The following SLIT3 variants were observed in gnomAD, a reference collection of about 807,000 sequenced individuals.
The protein encoded by SLIT3 is slit guidance ligand 3, also known as slit homolog 3 protein.
Under a neutral mutation model 184.0 loss-of-function variants are expected in SLIT3, and 68 were observed. The ratio of observed to expected loss-of-function variants is 0.37; its 90% confidence interval spans 0.30 to 0.45. The LOEUF (loss-of-function observed/expected upper bound fraction) is 0.45, where lower values mean the gene tolerates loss of function less well. Among genes scored for constraint, SLIT3 ranks in the 20% least tolerant of loss-of-function variants. SLIT3 has a pLI of 1.00. For synonymous variants in SLIT3, 831 were observed against 828.6 expected (o/e 1.00, Z -0.05); for missense variants, 1,707 against 2,026.0 (o/e 0.84, Z 3.02).
In SLIT3 at chr5:168,753,871, T is replaced by C; in HGVS notation, c.1822A>G (p.Lys608Glu). ...GRVFRGLSGL[K>E]TLMLRSNLIG... ...CCCACCCCAGGCACTCACAAGGTTTTGAGGCCACTGAGGCCACGGAACACG... is the reference window on the plus strand; with the variant it reads ...CCCACCCCAGGCACTCACAAGGTTTCGAGGCCACTGAGGCCACGGAACACG... Residue 608 changes from lysine (K) to glutamate (E), a missense_variant, in exon 17 of 36, where the codon AAA (lysine) becomes GAA (glutamate). Lys to Glu is a moderately conservative substitution (Grantham distance 56, BLOSUM62 1). Coordinates refer to ENST00000519560, the MANE Select transcript of SLIT3 (RefSeq NM_003062.4). The C allele has an allele frequency of 6.2e-7, 1 of 1,610,712 alleles. No individual in the cohort carries two copies.
Position 168,666,207 on chromosome 5 carries a change from C to G in SLIT3, c.*247G>C. On this transcript the variant is annotated 3_prime_UTR_variant, in exon 36 of 36. Coordinates refer to ENST00000519560, the MANE Select transcript of SLIT3 (RefSeq NM_003062.4). ...ACAACACAAAACTTGGTAAAAATAA[C>G]TCACTATATGGTACATATACGCAGA... The G allele has an allele frequency of 3.0e-6, 1 of 334,262 alleles. No individual in the cohort carries two copies. Among genetic ancestry groups the G allele is most frequent in the Non-Finnish European group, 5.3e-6 (1 of 188,856 alleles). The allele number at this position is 334,262 out of a possible 1,614,324, so 20.7% of individuals were successfully genotyped here. A position where few individuals can be genotyped will look rare whatever the true frequency, so the allele number is the denominator to read the frequency against.
chr5:168,861,204 C>A (rs1375721480), intron 5 of SLIT3, among the ~76,000 whole-genome samples: 1 of 152,092 alleles, frequency 6.6e-6, no homozygotes, highest in Non-Finnish European at 1.5e-5. Context: ...TGTGCTGCAC[C>A]CATTAACTCG....
At chr5:168,699,945 T>C (rs1372288775) in intron 27 of SLIT3, among the ~76,000 whole-genome samples, 2 of 152,190 alleles carry the variant, frequency 1.3e-5, no homozygotes, top group African/African-American at 4.8e-5. Context: ...GACACCTCCC[T>C]TGGAGGAAGC....
chr5:169,284,062 T>C (rs1220692288), intron 1 of SLIT3, among the ~76,000 whole-genome samples: 1 of 151,854 alleles, frequency 6.6e-6, no homozygotes, highest in Non-Finnish European at 1.5e-5. Flanking sequence ...TTTCAGCCAA[T>C]AAAACAATGC....
At chr5:168,785,838 C>T (rs1756133684) in intron 12 of SLIT3, 69 bp downstream of exon 12, 3 of 1,152,548 alleles carry the variant, frequency 2.6e-6, no homozygotes, top group Non-Finnish European at 3.9e-6. Context: ...CAGAGCATGG[C>T]TCAACGTTTT....
intron 4 of SLIT3, among the ~76,000 whole-genome samples, chr5:169,050,734 G>A (rs914190241): frequency 1.3e-5 from 2 of 151,136 alleles, no homozygotes; most frequent in African/African-American, 2.4e-5. Flanking sequence ...CGTTGAGCTT[G>A]CTGCCAACTG....
At chr5:169,003,234 G>A (rs899763860) in intron 4 of SLIT3, among the ~76,000 whole-genome samples, 2 of 152,194 alleles carry the variant, frequency 1.3e-5, no homozygotes, top group African/African-American at 4.8e-5. Context: ...ATTTCAAGTT[G>A]TCACTATTCC....
intron 4 of SLIT3, among the ~76,000 whole-genome samples, chr5:169,168,673 A>G (rs1263264355): frequency 6.6e-6 from 1 of 152,208 alleles, no homozygotes; most frequent in Admixed American, 6.5e-5. Context: ...ACCCAAAGTG[A>G]CAAAGTCGAG....
chr5:169,260,185 G>A (rs1371558510), intron 1 of SLIT3, among the ~76,000 whole-genome samples: 3 of 151,980 alleles, frequency 2.0e-5, no homozygotes, highest in Admixed American at 6.6e-5. Context: ...GTGATTTGAG[G>A]ACTCCTACTC....
intron 4 of SLIT3, among the ~76,000 whole-genome samples, chr5:168,945,434 C>T (rs1762443646): frequency 6.6e-6 from 1 of 152,128 alleles, no homozygotes; most frequent in African/African-American, 2.4e-5. Context: ...GACAGGGTTT[C>T]ACCATGTTGG....
Position 168,806,543 on chromosome 5 carries a change from AGGAGAT to A in SLIT3, c.832_837del (p.Ile278_Ser279del). On this transcript the variant is annotated inframe_deletion, in exon 9 of 36. Coordinates refer to ENST00000519560, the MANE Select transcript of SLIT3 (RefSeq NM_003062.4). ...TTGCTGCACGTGCAGGGCGAAGGGCAGGAGATGGAGTTGGCATTGCAGGATGGGGGC... is the reference window on the plus strand; with the variant it reads ...TTGCTGCACGTGCAGGGCGAAGGGCAGGAGTTGGCATTGCAGGATGGGGGC... 3 of 1,614,212 alleles carry A rather than the reference AGGAGAT, an allele frequency of 1.9e-6. No homozygotes were observed. Among genetic ancestry groups the A allele is most frequent in the Non-Finnish European group, 2.5e-6 (3 of 1,180,018 alleles).
chr5:168,799,548 G>T (rs1756689294), intron 9 of SLIT3, among the ~76,000 whole-genome samples: 1 of 152,180 alleles, frequency 6.6e-6, no homozygotes, highest in South Asian at 2.1e-4. Context: ...TCTGTCATTT[G>T]CAAACATGTG....
chr5:169,210,455 A>C (rs1485876337), intron 3 of SLIT3, among the ~76,000 whole-genome samples: 2 of 152,248 alleles, frequency 1.3e-5, no homozygotes, highest in African/African-American at 4.8e-5. Flanking sequence ...ATTTGAGTAA[A>C]GGTGTTGCAT....
intron 5 of SLIT3, among the ~76,000 whole-genome samples, chr5:168,846,922 G>C (rs576384018): frequency 8.0e-6 from 1 of 125,596 alleles, no homozygotes; most frequent in East Asian, 2.4e-4. Flanking sequence ...ATAAACCAAA[G>C]TGGGAGAAAG....
intron 4 of SLIT3, among the ~76,000 whole-genome samples, chr5:168,964,810 G>A (rs1561577751): frequency 6.6e-6 from 1 of 152,178 alleles, no homozygotes; most frequent in African/African-American, 2.4e-5. Context: ...TTGCCATAAG[G>A]CATGCCTGCT....
At chr5:168,885,411 G>A (rs1330269280) in intron 4 of SLIT3, among the ~76,000 whole-genome samples, 3 of 152,230 alleles carry the variant, frequency 2.0e-5, no homozygotes, top group Non-Finnish European at 2.9e-5. Flanking sequence ...CAAAGCCCAC[G>A]ATGACAGCAG....
intron 4 of SLIT3, among the ~76,000 whole-genome samples, chr5:169,096,353 T>A (rs1759778287): frequency 6.6e-6 from 1 of 152,200 alleles, no homozygotes; most frequent in African/African-American, 2.4e-5. Context: ...CAAGGTAGAT[T>A]ATATATGATT....
intron 4 of SLIT3, among the ~76,000 whole-genome samples, chr5:169,108,265 G>A (rs768038443): frequency 6.6e-6 from 1 of 152,230 alleles, no homozygotes; most frequent in African/African-American, 2.4e-5. Flanking sequence ...AGTCTTCAGG[G>A]TCAAGCAACC....
chr5:168,918,635 T>A (rs971960953), intron 4 of SLIT3, among the ~76,000 whole-genome samples: 7 of 152,220 alleles, frequency 4.6e-5, no homozygotes, highest in Non-Finnish European at 1.0e-4. Context: ...AACGGACATG[T>A]GGCTATGGCC....
Sources: gnomAD v4.1 joint callset for allele counts (sites outside exome capture counted in the v4.1 genomes callset) on GRCh38, gnomAD v4.1.1 for gene constraint, MANE v1.5 for transcripts, NCBI Gene and HGNC (gene_info 2026-07-23, HGNC 2026-07-21) for gene names.